Variants in THEM5 observed in about 807,000 individuals in gnomAD.
THEM5 encodes thioesterase superfamily member 5.
In THEM5, 28 loss-of-function variants were observed where a neutral mutation model predicts 24.2. That is an observed-to-expected ratio of 1.16 (90% CI 0.86 to 1.59). THEM5 has a LOEUF of 1.59. Among genes scored for constraint, THEM5 ranks in the 40% most tolerant of loss-of-function variants. The pLI, the probability that THEM5 is intolerant of heterozygous loss-of-function variation, is 0.00. For synonymous variants in THEM5, 87 were observed against 114.5 expected, an observed-to-expected ratio of 0.76 and a Z score of 1.53; for missense variants, 260 against 296.8, an observed-to-expected ratio of 0.88 and a Z score of 0.91.
At position 151,847,148 on chromosome 1, in the gene THEM5, G is replaced by C; in HGVS notation, c.*223C>G. ...CTCAGAGAAAAGGGTCCTTTCCCTCGCCTCACCAATTGCTGCTTGAGGACC... is the reference window on the plus strand; with the variant it reads ...CTCAGAGAAAAGGGTCCTTTCCCTCCCCTCACCAATTGCTGCTTGAGGACC... On this transcript the variant is annotated 3_prime_UTR_variant, in exon 6 of 6. Transcript: ENST00000368817. 1.4e-6 allele frequency: 1 copy of C among 735,896 alleles called. No individual in the cohort carries two copies. The allele number at this position is 735,896 out of a possible 1,614,324, so 45.6% of individuals were successfully genotyped here.
rs1470553230 is a variant in THEM5, at chr1:151,847,361, A to G, written c.*10T>C. 6.2e-7 allele frequency: 1 copy of G among 1,613,652 alleles called. No homozygotes were observed. On this transcript the variant is annotated 3_prime_UTR_variant, in exon 6 of 6. Coordinates refer to ENST00000368817, the MANE Select transcript of THEM5 (RefSeq NM_182578.4). ...GGGAGGCAGTGGCTCTCCTGCAGGC[A>G]CAGTGACTGTTACTGGGGAGACTCT...
intron 3 of THEM5, among the ~76,000 whole-genome samples, chr1:151,849,222 TAAAAA>T (rs202129122): frequency 3.1e-5 from 4 of 128,902 alleles, no homozygotes; most frequent in Admixed American, 1.5e-4. Flanking sequence ...GTCTCAAAAT[TAAAAA>T]AAAAAAAAAA....
At chr1:151,852,921 C>A (rs1469619244) in intron 1 of THEM5, among the ~76,000 whole-genome samples, 1 of 152,226 alleles carries the variant, frequency 6.6e-6, no homozygotes, top group South Asian at 2.1e-4. Flanking sequence ...ATTCTAGCAA[C>A]CCCCACCTCA....
chr1:151,847,853 G>T lies in THEM5; in HGVS notation c.585C>A (p.Pro195=). 1 of 1,613,998 alleles carries T rather than the reference G, an allele frequency of 6.2e-7. No individual in the cohort carries two copies. The highest frequency in any genetic ancestry group is 8.5e-7 in the Non-Finnish European group (1 of 1,179,996). Residue 195 remains proline (P), a synonymous_variant, in exon 5 of 6, where the codon CCC becomes CCA. Coordinates refer to ENST00000368817, the MANE Select transcript of THEM5 (RefSeq NM_182578.4). ...SLNIRFKNLI[P]VDSLVVMDVE... ...CGTCCATTACAACCAGAGAGTCCAC[G>T]GGGATCAAGCTGGGAGACGAGGCAG...
chr1:151,848,228 C>A lies in THEM5; in HGVS notation c.529G>T (p.Ala177Ser). The change falls in exon 4 of 6, where the codon GCT (alanine) becomes TCT (serine). Residue 177 changes from alanine (A) to serine (S), a missense_variant. By Grantham distance (99) the Ala-to-Ser change is moderately conservative (BLOSUM62 1). Transcript: ENST00000368817. ...CTTAGTGTGAACAGCCCCTCTCCAG[C>A]CAGGAAGGCAGTTTTAGAAAAGGTC... The part of the protein sequence containing the change: ...DETFSKTAFL[A>S]GEGLFTLSLN... The A allele has an allele frequency of 6.2e-7, 1 of 1,614,222 alleles. No homozygotes were observed. Among genetic ancestry groups the A allele is most frequent in the Non-Finnish European group, 8.5e-7 (1 of 1,180,040 alleles).
intron 1 of THEM5, 113 bp from the exon 2 acceptor site, chr1:151,852,572 C>T (rs2101702103): frequency 2.0e-6 from 2 of 984,972 alleles, no homozygotes; most frequent in African/African-American, 1.6e-5. Flanking sequence ...ATCCCTTCTG[C>T]CAGAGTATCG....
rs756812433 is a variant in THEM5, at chr1:151,852,400, G to A, written c.183C>T (p.Ser61=). ...DLKDYALPNA[S]WCSDMLSLYQ... The stretch of plus-strand genomic sequence containing the variant: ...ACAGGCTCAGCATGTCCGAACACCA[G>A]CTGGCATTGGGAAGAGCATAATCCT... Residue 61 remains serine (S), a synonymous_variant, in exon 2 of 6, where the codon AGC becomes AGT. Coordinates refer to ENST00000368817, the MANE Select transcript of THEM5 (RefSeq NM_182578.4). 6.2e-7 allele frequency: 1 copy of A among 1,614,160 alleles called. No homozygotes were observed. The highest frequency in any genetic ancestry group is 2.2e-5 in the East Asian group (1 of 44,866).
At chr1:151,851,311 GTCCA>G in intron 2 of THEM5, 120 bp from the exon 3 acceptor site, 1 of 1,336,008 alleles carries the variant, frequency 7.5e-7, no homozygotes. Flanking sequence ...AGGACACCAG[GTCCA>G]CCCCCAGGGA....
Position 151,847,769 on chromosome 1 carries a change from T to G in THEM5, c.669A>C (p.Arg223Ser). 1.2e-6 allele frequency: 2 copies of G among 1,613,934 alleles called. No homozygotes were observed. Among genetic ancestry groups the G allele is most frequent in the Non-Finnish European group, 1.7e-6 (2 of 1,180,012 alleles). The part of the protein sequence containing the change: ...KLYMSCIAHS[R>S]DQQTVYAKSS... ...ACTTGGCATAAACTGTCTGCTGGTCTCTGCTGTGGGCGATGCAGGACATGT... is the reference window on the plus strand; with the variant it reads ...ACTTGGCATAAACTGTCTGCTGGTCGCTGCTGTGGGCGATGCAGGACATGT... Residue 223 changes from arginine (R) to serine (S), a missense_variant, in exon 5 of 6, where the codon AGA becomes AGC. By Grantham distance (110) the Arg-to-Ser change is moderately radical. Transcript: ENST00000368817.
At chr1:151,848,538 A>G (rs1390994036) in intron 3 of THEM5, among the ~76,000 whole-genome samples, 1 of 152,264 alleles carries the variant, frequency 6.6e-6, no homozygotes, top group Non-Finnish European at 1.5e-5. Context: ...GCAGCCAATG[A>G]TACAACATTT....
At chr1:151,850,916 G>C in intron 3 of THEM5, 137 bp downstream of exon 3, 1 of 1,123,936 alleles carries the variant, frequency 8.9e-7, no homozygotes, top group Non-Finnish European at 1.2e-6. Flanking sequence ...GTATTGTGAG[G>C]CTGAAGCCTA....
intron 3 of THEM5, among the ~76,000 whole-genome samples, chr1:151,850,031 A>G (rs562531730): frequency 9.2e-5 from 14 of 152,378 alleles, no homozygotes; most frequent in African/African-American, 2.9e-4. Context: ...TAGTATCTGC[A>G]CAGCCTAGTG....
chr1:151,852,349 C>G lies in THEM5; in HGVS notation c.234G>C (p.Lys78Asn), dbSNP rs747359317. Reference sequence around the variant, plus strand: ...AGGGCAGCTTGATCCAGCCGCTAGACTTAGTCTTCTCCAGAAATTCTTGGT... The same window carrying G: ...AGGGCAGCTTGATCCAGCCGCTAGAGTTAGTCTTCTCCAGAAATTCTTGGT... ...SLYQEFLEKTKSSGWIKLPSF... is the reference protein window; with the variant it reads ...SLYQEFLEKTNSSGWIKLPSF... The change falls in exon 2 of 6, where the codon AAG becomes AAC. Residue 78 changes from lysine to asparagine, a missense_variant. By Grantham distance (94) the Lys-to-Asn change is moderately conservative (BLOSUM62 0). Coordinates refer to ENST00000368817, the MANE Select transcript of THEM5 (RefSeq NM_182578.4). 6.2e-7 allele frequency: 1 copy of G among 1,614,048 alleles called. No individual in the cohort carries two copies. Among genetic ancestry groups the G allele is most frequent in the Non-Finnish European group, 8.5e-7 (1 of 1,180,034 alleles).
intron 3 of THEM5, among the ~76,000 whole-genome samples, chr1:151,848,776 A>T (rs1653024027): frequency 6.6e-6 from 1 of 152,226 alleles, no homozygotes; most frequent in South Asian, 2.1e-4. Context: ...AAGATAAGTA[A>T]ATGTGAAACA....
chr1:151,847,349 T>G lies in THEM5; in HGVS notation c.*22A>C. 6.2e-7 allele frequency: 1 copy of G among 1,611,952 alleles called. No individual in the cohort carries two copies. The highest frequency in any genetic ancestry group is 8.5e-7 in the Non-Finnish European group (1 of 1,179,248). On this transcript the variant is annotated 3_prime_UTR_variant, in exon 6 of 6. Transcript: ENST00000368817. The stretch of plus-strand genomic sequence containing the variant: ...GGAGGCAGGCAGGGGAGGCAGTGGC[T>G]CTCCTGCAGGCACAGTGACTGTTAC...
intron 3 of THEM5, 142 bp downstream of exon 3, chr1:151,850,911 G>T: frequency 9.4e-7 from 1 of 1,062,110 alleles, no homozygotes; most frequent in Non-Finnish European, 1.3e-6. Context: ...GCCTGGTATT[G>T]TGAGGCTGAA....
At chr1:151,852,496 T>C (rs1453205805) in intron 1 of THEM5, 37 bp from the exon 2 acceptor site, 1 of 1,607,032 alleles carries the variant, frequency 6.2e-7, no homozygotes, top group Non-Finnish European at 8.5e-7. Context: ...GACAGCATCC[T>C]GGAGGGGGGC....
chr1:151,847,242 AGG>A lies in THEM5; in HGVS notation c.*127_*128del. 1 of 101,614 alleles carries A rather than the reference AGG, an allele frequency of 9.8e-6. No homozygotes were observed. The highest frequency in any genetic ancestry group is 2.0e-5 in the Non-Finnish European group (1 of 49,390). 6.3% of individuals were successfully genotyped at this position (101,614 alleles called of 1,614,324 possible). On this transcript the variant is annotated 3_prime_UTR_variant, in exon 6 of 6. Coordinates refer to ENST00000368817, the MANE Select transcript of THEM5 (RefSeq NM_182578.4). Reference sequence around the variant, plus strand: ...GAGGCAGGAGGCAGGCAGGGGAGGCAGGAGGCAGGAGGCAGGCAGGGGAGGCA... The same window carrying A: ...GAGGCAGGAGGCAGGCAGGGGAGGCAAGGCAGGAGGCAGGCAGGGGAGGCA...
intron 5 of THEM5, 52 bp downstream of exon 5, chr1:151,847,686 G>C (rs959786030): frequency 1.4e-5 from 23 of 1,601,636 alleles, no homozygotes; most frequent in East Asian, 2.2e-5. Flanking sequence ...GTTTGTTCTG[G>C]GGGTGGGTGG....
Sources: gnomAD v4.1 joint callset for allele counts (sites outside exome capture counted in the v4.1 genomes callset) on GRCh38, gnomAD v4.1.1 for gene constraint, MANE v1.5 for transcripts, NCBI Gene and HGNC (gene_info 2026-07-23, HGNC 2026-07-21) for gene names.